PAM: variants seen among roughly 807,000 people sequenced by gnomAD.
PAM encodes peptidyl-glycine alpha-amidating monooxygenase.
Under a neutral mutation model 122.1 loss-of-function variants are expected in PAM, and 72 were observed. The ratio of observed to expected loss-of-function variants is 0.59; its 90% CI spans 0.49 to 0.72. The LOEUF (loss-of-function observed/expected upper bound fraction) is 0.72, where lower values mean the gene tolerates loss of function less well. Ranked by LOEUF, PAM falls within the 30% of genes least tolerant of loss-of-function variation. The probability of loss-of-function intolerance (pLI) is 0.00; values close to 1 mark genes in which losing one functional copy is unlikely to be tolerated. For synonymous variants in PAM, 389 were observed against 404.4 expected (o/e 0.96, Z 0.46); for missense variants, 1,106 against 1,183.7 (o/e 0.93, Z 0.96).
chr5:102,872,890 G>C (rs984817243), intron 3 of PAM, among the ~76,000 whole-genome samples: 1 of 152,092 alleles, frequency 6.6e-6, no homozygotes, highest in Non-Finnish European at 1.5e-5. Context: ...TAAAAACTCA[G>C]AGTAAAATTA....
chr5:102,809,456 G>A (rs1198247890), intron 1 of PAM, among the ~76,000 whole-genome samples: 2 of 152,072 alleles, frequency 1.3e-5, no homozygotes, highest in Non-Finnish European at 2.9e-5. Context: ...TAGCTTTGCA[G>A]AGAAAAAGAA....
In PAM at chr5:102,959,941, T is replaced by G. The variant is rs752748682; in HGVS notation, c.972T>G (p.Val324=). The G allele has an allele frequency of 3.1e-6, 5 of 1,612,288 alleles. No homozygotes were observed. The highest frequency in any genetic ancestry group is 3.4e-6 in the Non-Finnish European group (4 of 1,178,502). The part of the protein sequence containing the change: ...IMYYMEAKHA[V]SFMTCTQNVA... ...ATTACATGGAAGCCAAGCATGCAGT[T>G]TCTTTCATGACCTGTACCCAGAATG... is the stretch of plus-strand genomic sequence containing the variant. The change falls in exon 13 of 26, where the codon GTT becomes GTG. Residue 324 remains valine, a synonymous_variant. Coordinates refer to ENST00000438793, the MANE Select transcript of PAM (RefSeq NM_001177306.2).
At chr5:103,014,029 C>T (rs1331810908) in intron 21 of PAM, among the ~76,000 whole-genome samples, 1 of 152,068 alleles carries the variant, frequency 6.6e-6, no homozygotes, top group African/African-American at 2.4e-5. Context: ...TGTTTCAGAT[C>T]CTTATTGATT....
intron 1 of PAM, among the ~76,000 whole-genome samples, chr5:102,766,836 C>G (rs258130): frequency 0.47 from 71,097 of 149,842 alleles, 16,927 homozygotes; most frequent in African/African-American, 0.53. Context: ...TTTATACTGA[C>G]ATTAGTGAAA....
intron 1 of PAM, among the ~76,000 whole-genome samples, chr5:102,824,286 C>T (rs1055379842): frequency 3.3e-5 from 5 of 152,130 alleles, no homozygotes; most frequent in African/African-American, 1.2e-4. Context: ...GAGGGTTCTG[C>T]GAACATTTCT....
intron 1 of PAM, among the ~76,000 whole-genome samples, chr5:102,775,562 G>C (rs1232881677): frequency 1.3e-5 from 2 of 152,006 alleles, no homozygotes; most frequent in East Asian, 3.9e-4. Context: ...TCATTGTTCA[G>C]CTTCTACTTA....
chr5:102,849,367 G>A (rs892576962), intron 1 of PAM, among the ~76,000 whole-genome samples: 1 of 151,956 alleles, frequency 6.6e-6, no homozygotes, highest in Non-Finnish European at 1.5e-5. Context: ...GACCATCCTG[G>A]CTAACACAGT....
At chr5:102,847,473 C>T (rs1472687232) in intron 1 of PAM, among the ~76,000 whole-genome samples, 1 of 152,090 alleles carries the variant, frequency 6.6e-6, no homozygotes, top group South Asian at 2.1e-4. Context: ...AAGACAACTT[C>T]AGTTATTTGA....
At position 102,901,358 on chromosome 5, in the gene PAM, C is replaced by T. The variant is rs750471285; in HGVS notation, c.213C>T (p.Ser71=). 1.5e-5 allele frequency: 24 copies of T among 1,554,012 alleles called. No homozygotes were observed. Among genetic ancestry groups the T allele is most frequent in the Admixed American group, 5.0e-5 (3 of 59,414 alleles). The change falls in exon 4 of 26, where the codon TCC becomes TCT. Residue 71 remains serine (S), a splice_region_variant and synonymous_variant. Coordinates refer to ENST00000438793, the MANE Select transcript of PAM (RefSeq NM_001177306.2). The part of the protein sequence containing the change: ...IRMPGVTPKQ[S]DTYFCMSMRI... Reference sequence around the variant, plus strand: ...TTTTTTAATCTTTTTTTTAATAGTCCGATACATACTTCTGCATGTCTATGC... The same window carrying T: ...TTTTTTAATCTTTTTTTTAATAGTCTGATACATACTTCTGCATGTCTATGC...
intron 17 of PAM, among the ~76,000 whole-genome samples, chr5:103,004,256 C>A (rs928479637): frequency 9.2e-5 from 14 of 152,164 alleles, no homozygotes; most frequent in African/African-American, 3.4e-4. Context: ...ACCAGAAGCA[C>A]CCTCATTCCA....
At chr5:102,764,929 T>C (rs1248497781) in intron 1 of PAM, among the ~76,000 whole-genome samples, 2 of 152,242 alleles carry the variant, frequency 1.3e-5, no homozygotes, top group Admixed American at 6.5e-5. Context: ...TTCCCTTTAA[T>C]GTTTGTTTAG....
chr5:103,004,357 C>CA (rs1778301945), intron 17 of PAM, among the ~76,000 whole-genome samples: 1 of 152,140 alleles, frequency 6.6e-6, no homozygotes, highest in Non-Finnish European at 1.5e-5. Flanking sequence ...ATAATCCTCA[C>CA]ATTCAGTTGT....
chr5:102,970,479 G>A lies in PAM; in HGVS notation c.1163-3637G>A, dbSNP rs372371827. 8.7e-4 allele frequency among the ~76,000 whole-genome samples: 132 copies of A among 152,232 alleles called. 2 individuals carry two copies. The South Asian group carries it at 0.026, about 30-fold the overall frequency. ...GAAGGATATGTTATGTTAGAGGAGA[G>A]TCTCTCCCCACCTCCACAACAACTC... On this transcript the variant is annotated intron_variant, in intron 14 of 25. Transcript: ENST00000438793.
At chr5:102,891,583 C>T (rs1447769020) in intron 3 of PAM, among the ~76,000 whole-genome samples, 1 of 151,752 alleles carries the variant, frequency 6.6e-6, no homozygotes, top group Non-Finnish European at 1.5e-5. Flanking sequence ...TTTCACCTCT[C>T]CTTTGAAAGG....
At chr5:102,987,462 G>T in intron 15 of PAM, 1 of 429,232 alleles carries the variant, frequency 2.3e-6, no homozygotes, top group South Asian at 1.7e-5. Flanking sequence ...TTTAGTGTTT[G>T]ATAGCACAGC....
At chr5:102,777,465 G>A (rs1757467733) in intron 1 of PAM, among the ~76,000 whole-genome samples, 1 of 151,988 alleles carries the variant, frequency 6.6e-6, no homozygotes, top group Non-Finnish European at 1.5e-5. Flanking sequence ...GGACATACCA[G>A]GTGCTCTATA....
At chr5:102,816,097 C>T (rs900957790) in intron 1 of PAM, among the ~76,000 whole-genome samples, 10 of 152,096 alleles carry the variant, frequency 6.6e-5, no homozygotes, top group Non-Finnish European at 1.3e-4. Flanking sequence ...GAAATTTATA[C>T]TTATGCCTCC....
At chr5:102,987,435 A>G in intron 15 of PAM, 1 of 407,524 alleles carries the variant, frequency 2.5e-6, no homozygotes, top group Non-Finnish European at 4.8e-6. Flanking sequence ...ACCAACATGT[A>G]GAGAGATGAA....
intron 1 of PAM, among the ~76,000 whole-genome samples, chr5:102,795,033 T>TA (rs1763008514): frequency 6.6e-6 from 1 of 150,574 alleles, no homozygotes; most frequent in East Asian, 2.0e-4. Flanking sequence ...CTACAAAAAA[T>TA]AAAAAAATTA....
Sources: allele counts gnomAD v4.1 joint callset (sites outside exome capture counted in the v4.1 genomes callset), GRCh38; gene constraint gnomAD v4.1.1; transcripts MANE v1.5; gene names NCBI Gene and HGNC (gene_info 2026-07-23, HGNC 2026-07-21).